ARHGAP8: variants seen among roughly 807,000 people sequenced by gnomAD.
ARHGAP8 encodes the protein rho GTPase-activating protein 8.
Under a neutral mutation model 46.1 loss-of-function variants are expected in ARHGAP8, and 62 were observed. The observed-to-expected ratio is 1.34, with a 90% CI of 1.10 to 1.66. ARHGAP8 has a LOEUF of 1.66. ARHGAP8 is among the 40% of genes most tolerant of loss of function. ARHGAP8 has a pLI of 0.00. For missense variants in ARHGAP8, 923 were observed against 568.4 expected (o/e 1.62, Z -6.34); for synonymous variants, 375 against 243.1 (o/e 1.54, Z -5.05).
chr22:44,848,946 T>A lies in ARHGAP8; in HGVS notation c.763T>A (p.Phe255Ile), dbSNP rs763538272. 1 of 1,614,096 alleles carries A rather than the reference T, an allele frequency of 6.2e-7. No individual in the cohort carries two copies. The highest frequency in any genetic ancestry group is 8.5e-7 in the Non-Finnish European group (1 of 1,180,012). Residue 255 changes from phenylalanine (F) to isoleucine (I), a missense_variant, in exon 10 of 12, where the codon TTT (phenylalanine) becomes ATT (isoleucine). Physicochemically the swap from Phe to Ile is conservative, Grantham distance 21 (BLOSUM62 0). Transcript: ENST00000356099. ...TGTGTGTGCAGGGAAGCCCGTGAAC[T>A]TTGACGACTACGGGGACATTCACAT... ...RLYNQGKPVN[F>I]DDYGDIHIPA...
chr22:44,824,122 C>T (rs1178127502), intron 6 of ARHGAP8, among the ~76,000 whole-genome samples: 2 of 152,206 alleles, frequency 1.3e-5, no homozygotes, highest in Non-Finnish European at 2.9e-5. Flanking sequence ...CTGAGACCCA[C>T]TGGCACAGCG....
chr22:44,832,884 T>A (rs1254636763), intron 7 of ARHGAP8, among the ~76,000 whole-genome samples: 2 of 152,112 alleles, frequency 1.3e-5, no homozygotes, highest in Non-Finnish European at 2.9e-5. Flanking sequence ...CTCAGCTATT[T>A]GGGAGATTGA....
chr22:44,814,792 G>T (rs1275303566), intron 5 of ARHGAP8, 34 bp downstream of exon 5: 1 of 1,610,176 alleles, frequency 6.2e-7, no homozygotes, highest in Admixed American at 1.7e-5. Flanking sequence ...CCTCGCTGGG[G>T]TTGGAGGTTT....
intron 3 of ARHGAP8, 66 bp from the exon 4 acceptor site, chr22:44,808,241 A>T: frequency 6.4e-7 from 1 of 1,568,148 alleles, no homozygotes; most frequent in African/African-American, 1.3e-5. Context: ...CATTATAGGG[A>T]AAGCACGTTT....
Position 44,825,579 on chromosome 22 carries a change from C to T in ARHGAP8, c.582C>T (p.Gly194=), listed in dbSNP as rs770956991. The T allele has an allele frequency of 1.4e-5, 23 of 1,612,862 alleles. No homozygotes were observed. The highest frequency in any genetic ancestry group is 1.9e-5 in the Non-Finnish European group (23 of 1,179,700). The change falls in exon 7 of 12, where the codon GGC becomes GGT. Residue 194 remains glycine (G), a synonymous_variant. Transcript: ENST00000356099. ...PRPPLPTQQF[G]VSLQYLKDKN... ...CCCCGCTGCCCACACAGCAGTTTGG[C>T]GTCAGTCTGCAATAGTAAGTGAGCC...
At chr22:44,804,186 G>A (rs1928774235) in intron 3 of ARHGAP8, among the ~76,000 whole-genome samples, 1 of 152,124 alleles carries the variant, frequency 6.6e-6, no homozygotes, top group Admixed American at 6.5e-5. Flanking sequence ...CCTCACCTGT[G>A]TATGGCCTTG....
intron 1 of ARHGAP8, among the ~76,000 whole-genome samples, chr22:44,781,992 G>A (rs2147037451): frequency 6.6e-6 from 1 of 152,248 alleles, no homozygotes; most frequent in East Asian, 1.9e-4. Flanking sequence ...GCACCACCGT[G>A]TCTAGCCCTT....
intron 2 of ARHGAP8, among the ~76,000 whole-genome samples, chr22:44,793,688 C>T (rs1241065026): frequency 6.6e-6 from 1 of 152,198 alleles, no homozygotes; most frequent in Non-Finnish European, 1.5e-5. Context: ...ATAAACCAGG[C>T]TTCTCCTATT....
chr22:44,858,434 C>T (rs1404614986), intron 10 of ARHGAP8, among the ~76,000 whole-genome samples: 1 of 146,972 alleles, frequency 6.8e-6, no homozygotes, highest in Non-Finnish European at 1.5e-5. Flanking sequence ...ATGGCACCAT[C>T]TCGGCTCAGT....
chr22:44,774,383 G>A (rs947117443), intron 1 of ARHGAP8, among the ~76,000 whole-genome samples: 4 of 152,098 alleles, frequency 2.6e-5, no homozygotes, highest in African/African-American at 7.2e-5. Flanking sequence ...TGCAGTGATA[G>A]GACATTGTAG....
chr22:44,757,091 A>T (rs1404472039), intron 1 of ARHGAP8, among the ~76,000 whole-genome samples: 1 of 151,688 alleles, frequency 6.6e-6, no homozygotes, highest in Non-Finnish European at 1.5e-5. Context: ...TAATTTTTAA[A>T]TTTTTGTAGA....
At chr22:44,813,696 T>C (rs916288416) in intron 4 of ARHGAP8, among the ~76,000 whole-genome samples, 1 of 150,482 alleles carries the variant, frequency 6.6e-6, no homozygotes, top group African/African-American at 2.5e-5. Context: ...TACCTACACA[T>C]ATGTAGGTAC....
chr22:44,861,194 A>C (rs1448735708), intron 11 of ARHGAP8, among the ~76,000 whole-genome samples: 1 of 150,868 alleles, frequency 6.6e-6, no homozygotes, highest in African/African-American at 2.4e-5. Flanking sequence ...CTGATCTTGA[A>C]CTCCTGACCT....
At chr22:44,848,779 C>T (rs60876814) in intron 9 of ARHGAP8, among the ~76,000 whole-genome samples, 153 bp from the exon 10 acceptor site, 1 of 152,176 alleles carries the variant, frequency 6.6e-6, no homozygotes, top group East Asian at 1.9e-4. Flanking sequence ...ACACCCATTT[C>T]TAGGTGGGGA....
chr22:44,850,628 A>T (rs748257456), intron 10 of ARHGAP8: 1 of 152,134 alleles, frequency 6.6e-6, no homozygotes, highest in Non-Finnish European at 1.5e-5. Context: ...TGACAGGGAG[A>T]TAGGCCCTGG....
intron 10 of ARHGAP8, among the ~76,000 whole-genome samples, chr22:44,859,171 T>G (rs865915905): frequency 6.6e-6 from 1 of 152,168 alleles, no homozygotes; most frequent in Non-Finnish European, 1.5e-5. Context: ...ATGGAGCTTG[T>G]AGAATTCAGG....
intron 10 of ARHGAP8, among the ~76,000 whole-genome samples, chr22:44,857,991 C>G (rs575510978): frequency 1.3e-5 from 2 of 152,112 alleles, no homozygotes; most frequent in South Asian, 2.1e-4. Context: ...GACCATAATT[C>G]GTAGATAAGG....
At chr22:44,817,717 T>C (rs1929853297) in intron 5 of ARHGAP8, among the ~76,000 whole-genome samples, 1 of 152,032 alleles carries the variant, frequency 6.6e-6, no homozygotes. Flanking sequence ...GGCAGGAGAA[T>C]TGAGGCTTGA....
intron 3 of ARHGAP8, among the ~76,000 whole-genome samples, chr22:44,807,542 G>C (rs1929019698): frequency 6.6e-6 from 1 of 152,192 alleles, no homozygotes; most frequent in Non-Finnish European, 1.5e-5. Context: ...GAGGTAGAAG[G>C]GCCTGTGGTG....
Sources: gnomAD v4.1 joint callset for allele counts (sites outside exome capture counted in the v4.1 genomes callset) on GRCh38, gnomAD v4.1.1 for gene constraint, MANE v1.5 for transcripts, NCBI Gene and HGNC (gene_info 2026-07-23, HGNC 2026-07-21) for gene names.